The following HPSE2 variants were observed in gnomAD, a reference collection of about 807,000 sequenced individuals.
The protein encoded by HPSE2 is heparanase 2 (inactive).
A neutral mutation model predicts 60.5 loss-of-function variants in HPSE2; 38 were observed. The ratio of observed to expected loss-of-function variants is 0.63; its 90% confidence interval spans 0.48 to 0.82. The LOEUF (loss-of-function observed/expected upper bound fraction) is 0.82, where lower values mean the gene tolerates loss of function less well. HPSE2 is among the 40% of genes least tolerant of loss of function. The pLI is 0.00. For synonymous variants in HPSE2, 295 were observed against 293.2 expected (o/e 1.01, Z -0.06); for missense variants, 713 against 740.4 (o/e 0.96, Z 0.43).
chr10:98,659,050 C>T (rs544388001), intron 6 of HPSE2, among the ~76,000 whole-genome samples: 4 of 151,894 alleles, frequency 2.6e-5, no homozygotes, highest in Non-Finnish European at 4.4e-5. Context: ...ATTTTCATTA[C>T]CCTAAAAGGA....
At chr10:99,022,293 C>A (rs1957280534) in intron 3 of HPSE2, among the ~76,000 whole-genome samples, 1 of 152,058 alleles carries the variant, frequency 6.6e-6, no homozygotes, top group Non-Finnish European at 1.5e-5. Flanking sequence ...ACGGAGGGAG[C>A]ATTTAAACTA....
chr10:98,954,608 G>A (rs1019893645), intron 3 of HPSE2, among the ~76,000 whole-genome samples: 5 of 152,032 alleles, frequency 3.3e-5, no homozygotes, highest in African/African-American at 9.7e-5. Context: ...TTTTCTTTGT[G>A]GGGTCAAAAG....
chr10:99,153,127 A>G (rs1460101130), intron 2 of HPSE2, among the ~76,000 whole-genome samples: 1 of 152,234 alleles, frequency 6.6e-6, no homozygotes, highest in African/African-American at 2.4e-5. Flanking sequence ...GCTGATTGCT[A>G]GCACAGCAGT....
intron 2 of HPSE2, among the ~76,000 whole-genome samples, chr10:99,179,345 T>G (rs1181299235): frequency 6.6e-6 from 1 of 152,228 alleles, no homozygotes; most frequent in African/African-American, 2.4e-5. Context: ...TGTTTGCAGA[T>G]GACATGATTG....
chr10:99,178,915 T>A (rs903722202), intron 2 of HPSE2, among the ~76,000 whole-genome samples: 1 of 152,168 alleles, frequency 6.6e-6, no homozygotes, highest in Non-Finnish European at 1.5e-5. Flanking sequence ...CAAAAACTTA[T>A]CCACCACGAT....
intron 3 of HPSE2, among the ~76,000 whole-genome samples, chr10:99,043,055 T>A (rs1251616574): frequency 6.6e-6 from 1 of 152,172 alleles, no homozygotes; most frequent in Non-Finnish European, 1.5e-5. Flanking sequence ...CAACTGACTA[T>A]ACTCAACTTA....
intron 9 of HPSE2, among the ~76,000 whole-genome samples, chr10:98,543,800 T>C (rs375071798): frequency 7.2e-5 from 11 of 152,166 alleles, no homozygotes; most frequent in South Asian, 2.1e-4. Flanking sequence ...ATATATGCAC[T>C]CAATACAGGA....
chr10:98,912,267 G>A (rs748807596), intron 3 of HPSE2, among the ~76,000 whole-genome samples: 8 of 152,080 alleles, frequency 5.3e-5, no homozygotes, highest in Admixed American at 4.6e-4. Flanking sequence ...AACATCTATC[G>A]CTGCTAGACA....
intron 3 of HPSE2, among the ~76,000 whole-genome samples, chr10:99,068,792 C>T (rs1184260228): frequency 6.6e-6 from 1 of 152,102 alleles, no homozygotes; most frequent in Non-Finnish European, 1.5e-5. Context: ...GGGCACATCA[C>T]CACTGATCCT....
At chr10:98,917,814 G>A (rs756447071) in intron 3 of HPSE2, among the ~76,000 whole-genome samples, 1 of 152,174 alleles carries the variant, frequency 6.6e-6, no homozygotes, top group African/African-American at 2.4e-5. Flanking sequence ...TAGGCATCCA[G>A]CAAGGAAGTT....
At chr10:98,671,332 CTT>C (rs2134112256) in intron 6 of HPSE2, among the ~76,000 whole-genome samples, 1 of 152,298 alleles carries the variant, frequency 6.6e-6, no homozygotes, top group South Asian at 2.1e-4. Flanking sequence ...CAAATGGTCT[CTT>C]TATGTGCCTT....
At chr10:98,799,751 C>T (rs1299412814) in intron 3 of HPSE2, among the ~76,000 whole-genome samples, 3 of 151,050 alleles carry the variant, frequency 2.0e-5, no homozygotes, top group Admixed American at 6.6e-5. Context: ...GAAAACACAA[C>T]ATACCACAAC....
intron 3 of HPSE2, among the ~76,000 whole-genome samples, chr10:99,103,705 G>A (rs1171533808): frequency 6.6e-6 from 1 of 152,144 alleles, no homozygotes; most frequent in East Asian, 1.9e-4. Context: ...AACAAAACTG[G>A]AGGCATCATA....
chr10:98,599,001 C>A (rs918431375), intron 9 of HPSE2, among the ~76,000 whole-genome samples: 11 of 151,306 alleles, frequency 7.3e-5, no homozygotes. Flanking sequence ...TGGGGGCCAT[C>A]ATGGAACCTG....
intron 3 of HPSE2, among the ~76,000 whole-genome samples, chr10:98,986,654 G>A (rs1407909311): frequency 4.0e-4 from 51 of 128,588 alleles, no homozygotes; most frequent in African/African-American, 1.3e-3. Flanking sequence ...GAGCAGAACT[G>A]AAGGAAATAG....
rs1440686125 is a variant in HPSE2, at chr10:98,634,148, TG to T, written c.1098+7698del. Among the ~76,000 whole-genome samples, 3 of 152,164 alleles carry T rather than the reference TG, an allele frequency of 2.0e-5. No homozygotes were observed. The East Asian group carries it at 5.8e-4, about 29-fold the overall frequency. On this transcript the variant is annotated intron_variant, in intron 7 of 11. Coordinates refer to ENST00000370552, the MANE Select transcript of HPSE2 (RefSeq NM_021828.5). ...AGCAGCAGATAAGTTTCTTCTGCAG[TG>T]TGAACAGCAAAGACAGCACATATAA...
chr10:98,802,743 C>T (rs1214847062), intron 3 of HPSE2, among the ~76,000 whole-genome samples: 3 of 146,330 alleles, frequency 2.1e-5, no homozygotes, highest in African/African-American at 7.6e-5. Context: ...GGGTTGGTTC[C>T]AAGTCTTTGC....
intron 2 of HPSE2, among the ~76,000 whole-genome samples, chr10:99,184,522 CAAAAAAAAAAAAAAAAAAAAA>C (rs200059066): frequency 0.61 from 36,297 of 59,978 alleles, 7,649 homozygotes; most frequent in South Asian, 0.65. Context: ...GAGACTGTCT[CAAAAAAAAAAAAAAAAAAAAA>C]AAAAAAAAAA....
At chr10:99,167,550 T>C (rs1847132429) in intron 2 of HPSE2, among the ~76,000 whole-genome samples, 2 of 152,224 alleles carry the variant, frequency 1.3e-5, no homozygotes, top group Non-Finnish European at 2.9e-5. Flanking sequence ...TGCCTTTGCA[T>C]CTTTGTCAAA....
Sources: allele counts gnomAD v4.1 joint callset (sites outside exome capture counted in the v4.1 genomes callset), GRCh38; gene constraint gnomAD v4.1.1; transcripts MANE v1.5; gene names NCBI Gene and HGNC (gene_info 2026-07-23, HGNC 2026-07-21).